Variants in PITPNB observed in about 807,000 individuals in gnomAD.
The protein encoded by PITPNB is phosphatidylinositol transfer protein beta.
Under a neutral mutation model 45.9 loss-of-function variants are expected in PITPNB, and 16 were observed. The ratio of observed to expected loss-of-function variants is 0.35; its 90% CI spans 0.24 to 0.53. The LOEUF (loss-of-function observed/expected upper bound fraction) is 0.53. PITPNB is among the 20% of genes least tolerant of loss of function. PITPNB has a pLI of 0.93. For synonymous variants in PITPNB, 112 were observed against 108.9 expected, an observed-to-expected ratio of 1.03 and a Z score of -0.18; for missense variants, 188 against 330.5, an observed-to-expected ratio of 0.57 and a Z score of 3.34.
At chr22:27,858,329 T>G (rs1192277680) in intron 10 of PITPNB, 58 bp downstream of exon 10, 1 of 1,325,156 alleles carries the variant, frequency 7.5e-7, no homozygotes, top group African/African-American at 1.5e-5. Flanking sequence ...TTACCAAGCA[T>G]GTATACAGTT....
chr22:27,854,811 G>A, intron 11 of PITPNB, 43 bp downstream of exon 11: 1 of 1,215,794 alleles, frequency 8.2e-7, no homozygotes, highest in East Asian at 2.4e-5. Flanking sequence ...TCACCAAAAA[G>A]GTACAGGTTT....
intron 3 of PITPNB, among the ~76,000 whole-genome samples, chr22:27,899,120 C>T (rs1021981530): frequency 2.0e-5 from 3 of 152,190 alleles, no homozygotes; most frequent in African/African-American, 7.2e-5. Context: ...ATTACCTGCT[C>T]TGCAGGGTTA....
Position 27,853,202 on chromosome 22 carries a change from G to T in PITPNB, c.*500C>A, listed in dbSNP as rs1934075309. ...AAATTTATAACAGACTGACTTAAAA[G>T]AAGAGAAAAATAATAAAAGGCTATA... On this transcript the variant is annotated 3_prime_UTR_variant, in exon 12 of 12. Transcript: ENST00000335272. 1 of 160,288 alleles carries T rather than the reference G, an allele frequency of 6.2e-6. No individual in the cohort carries two copies. Among genetic ancestry groups the T allele is most frequent in the Admixed American group, 6.5e-5 (1 of 15,484 alleles). 9.9% of individuals were successfully genotyped at this position (160,288 alleles called of 1,614,324 possible).
rs1934231926 is a variant in PITPNB at position 27,858,386 on chromosome 22, C to T, written c.768+1G>A. The T allele has an allele frequency of 6.2e-7, 1 of 1,602,768 alleles. No individual in the cohort carries two copies. The highest frequency in any genetic ancestry group is 1.3e-5 in the African/African-American group (1 of 74,312). The stretch of plus-strand genomic sequence containing the variant: ...AATTGCCATAGAACAGCCAGTCTTA[C>T]TGTTTCTAGTTCTTTCTGAGTCTCG... On this transcript the variant is annotated splice_donor_variant, in intron 10 of 11. Coordinates refer to ENST00000335272, the MANE Select transcript of PITPNB (RefSeq NM_012399.5). LOFTEE classifies it high-confidence loss of function.
rs180743053 is a variant in PITPNB at position 27,912,797 on chromosome 22, T to C, written c.51+1520A>G. ...AGGAGTTCGAGACCAGCCTGACCAA[T>C]ATGGTGAAACCCGGTCTCTAATAAA... On this transcript the variant is annotated intron_variant, in intron 2 of 11. Coordinates refer to ENST00000335272, the MANE Select transcript of PITPNB (RefSeq NM_012399.5). 2.8e-3 allele frequency among the ~76,000 whole-genome samples: 431 copies of C among 151,498 alleles called. 1 individual carries two copies. The highest frequency in any genetic ancestry group is 4.9e-3 in the Non-Finnish European group (335 of 67,832).
chr22:27,918,169 C>T (rs1292002494), intron 1 of PITPNB, among the ~76,000 whole-genome samples: 1 of 152,130 alleles, frequency 6.6e-6, no homozygotes, highest in African/African-American at 2.4e-5. Context: ...CTGGGTGAGA[C>T]AGGGAGTCTT....
At chr22:27,876,622 A>C (rs1027497116) in intron 7 of PITPNB, among the ~76,000 whole-genome samples, 4 of 152,206 alleles carry the variant, frequency 2.6e-5, no homozygotes, top group African/African-American at 9.6e-5. Flanking sequence ...TTTCCACAAC[A>C]AACACCTAAT....
chr22:27,886,715 G>T (rs1388347847), intron 7 of PITPNB, among the ~76,000 whole-genome samples: 1 of 152,186 alleles, frequency 6.6e-6, no homozygotes, highest in Non-Finnish European at 1.5e-5. Context: ...ACATTCACCT[G>T]CAGTGACAGA....
chr22:27,869,304 T>C (rs1934579786), intron 8 of PITPNB, among the ~76,000 whole-genome samples: 1 of 152,130 alleles, frequency 6.6e-6, no homozygotes, highest in Non-Finnish European at 1.5e-5. Context: ...AGAGGGAAAA[T>C]AAATATACAA....
intron 8 of PITPNB, among the ~76,000 whole-genome samples, chr22:27,861,258 A>C (rs942811028): frequency 6.6e-6 from 1 of 151,964 alleles, no homozygotes; most frequent in Non-Finnish European, 1.5e-5. Context: ...CTGAGGTCAC[A>C]TCATTGCCCT....
intron 3 of PITPNB, chr22:27,910,478 A>T (rs947669780): frequency 1.3e-5 from 2 of 153,626 alleles, no homozygotes; most frequent in Non-Finnish European, 2.9e-5. Context: ...GGTTAAGTAA[A>T]CTATACTATG....
intron 1 of PITPNB, among the ~76,000 whole-genome samples, chr22:27,915,117 T>G (rs1020742121): frequency 1.2e-4 from 18 of 152,300 alleles, no homozygotes; most frequent in Non-Finnish European, 2.6e-4. Flanking sequence ...GAGTCCTTAA[T>G]TTATTTCCAC....
intron 1 of PITPNB, among the ~76,000 whole-genome samples, chr22:27,917,017 A>C (rs1046620044): frequency 2.0e-5 from 3 of 152,190 alleles, no homozygotes; most frequent in African/African-American, 7.2e-5. Flanking sequence ...CTAGATACCG[A>C]CATTACTTAA....
Position 27,853,361 on chromosome 22 carries a change from T to C in PITPNB, c.*341A>G. 2.4e-6 allele frequency: 1 copy of C among 416,826 alleles called. No homozygotes were observed. Among genetic ancestry groups the C allele is most frequent in the African/African-American group, 2.0e-5 (1 of 49,214 alleles). The allele number at this position is 416,826 out of a possible 1,614,324, so 25.8% of individuals were successfully genotyped here. ...GTATATATATTGAAAATATTTTCTT[T>C]TGCATTCTTGCTGAAGATAGGTACA... is the stretch of plus-strand genomic sequence containing the variant. On this transcript the variant is annotated 3_prime_UTR_variant, in exon 12 of 12. Coordinates refer to ENST00000335272, the MANE Select transcript of PITPNB (RefSeq NM_012399.5).
At chr22:27,896,704 A>C in intron 5 of PITPNB, 78 bp from the exon 6 acceptor site, 1 of 876,744 alleles carries the variant, frequency 1.1e-6, no homozygotes, top group African/African-American at 1.7e-5. Context: ...AGCTTTTCCC[A>C]GTATAGGCAT....
intron 9 of PITPNB, among the ~76,000 whole-genome samples, chr22:27,859,544 C>T (rs1934260115): frequency 6.6e-6 from 1 of 152,182 alleles, no homozygotes; most frequent in South Asian, 2.1e-4. Flanking sequence ...TTCCAATTCT[C>T]CCCTCCTCCT....
intron 3 of PITPNB, among the ~76,000 whole-genome samples, chr22:27,908,383 T>C (rs77811229): frequency 0.072 from 10,921 of 150,770 alleles, 543 homozygotes; most frequent in East Asian, 0.23. Context: ...TATTATGTAT[T>C]ACACATTATT....
intron 7 of PITPNB, among the ~76,000 whole-genome samples, chr22:27,888,830 T>A (rs552750092): frequency 6.6e-6 from 1 of 152,082 alleles, no homozygotes; most frequent in Non-Finnish European, 1.5e-5. Flanking sequence ...CAGGAAAGCA[T>A]AGGGTATGGT....
At chr22:27,874,478 G>A (rs1450129420) in intron 7 of PITPNB, among the ~76,000 whole-genome samples, 1 of 152,144 alleles carries the variant, frequency 6.6e-6, no homozygotes, top group Non-Finnish European at 1.5e-5. Context: ...ATATACCACA[G>A]GGGAAAGGCT....
Sources: gnomAD v4.1 joint callset for allele counts (sites outside exome capture counted in the v4.1 genomes callset) on GRCh38, gnomAD v4.1.1 for gene constraint, MANE v1.5 for transcripts, NCBI Gene and HGNC (gene_info 2026-07-23, HGNC 2026-07-21) for gene names.